Variants in DCP2 observed in about 807,000 individuals in gnomAD.
DCP2 encodes the protein decapping mRNA 2, also known as m7GpppN-mRNA hydrolase.
In DCP2, 30 loss-of-function variants were observed where a neutral mutation model predicts 56.1. That is an observed-to-expected ratio of 0.53 (90% CI 0.40 to 0.73). The LOEUF (loss-of-function observed/expected upper bound fraction) is 0.73, where lower values mean the gene tolerates loss of function less well. Ranked by LOEUF, DCP2 falls within the 30% of genes least tolerant of loss-of-function variation. The pLI is 0.00. For synonymous variants in DCP2, 197 were observed against 163.3 expected, an observed-to-expected ratio of 1.21 and a Z score of -1.57; for missense variants, 533 against 502.7, an observed-to-expected ratio of 1.06 and a Z score of -0.58.
intron 10 of DCP2, among the ~76,000 whole-genome samples, chr5:113,012,843 C>T (rs1472605623): frequency 6.6e-6 from 1 of 152,054 alleles, no homozygotes; most frequent in Non-Finnish European, 1.5e-5. Context: ...GGGGTTTCAC[C>T]ATCTTGGCCA....
chr5:112,997,690 C>T (rs1748929906), intron 4 of DCP2, among the ~76,000 whole-genome samples: 1 of 151,402 alleles, frequency 6.6e-6, no homozygotes, highest in African/African-American at 2.4e-5. Context: ...GTTCACTGCA[C>T]CCCAACCTCC....
chr5:112,978,950 C>T lies in DCP2; in HGVS notation c.53+1964C>T, dbSNP rs199961313. On this transcript the variant is annotated intron_variant, in intron 1 of 10. Transcript: ENST00000389063. ...TTTTACAGACATCAGAGCTAGTCTT[C>T]CTTCTAGTATTGGGGTTAATTTGCA... Among the ~76,000 whole-genome samples, 9 of 152,196 alleles carry T rather than the reference C, an allele frequency of 5.9e-5. No individual in the cohort carries two copies. In the East Asian group the frequency reaches 1.7e-3, roughly 29 times the overall value.
rs538577042 is a variant in DCP2 at position 112,992,276 on chromosome 5, G to C, written c.333+28G>C. The C allele has an allele frequency of 1.9e-6, 3 of 1,595,622 alleles. No individual in the cohort carries two copies. In the South Asian group the frequency reaches 3.4e-5, roughly 18 times the overall value. On this transcript the variant is annotated intron_variant, in intron 3 of 10. Coordinates refer to ENST00000389063, the MANE Select transcript of DCP2 (RefSeq NM_152624.6). The stretch of plus-strand genomic sequence containing the variant: ...GAGTGTAATGAAATAAAGATTTTTA[G>C]TGAAATGGTGATCGTTAATCTGTTA...
chr5:112,992,298 G>T (rs762861741), intron 3 of DCP2, 50 bp downstream of exon 3: 2 of 1,569,064 alleles, frequency 1.3e-6, no homozygotes, highest in Admixed American at 4.0e-5. Context: ...TCGTTAATCT[G>T]TTAACAAAAT....
Position 113,013,545 on chromosome 5 carries a change from C to G in DCP2, c.*61C>G. On this transcript the variant is annotated 3_prime_UTR_variant, in exon 11 of 11. Coordinates refer to ENST00000389063, the MANE Select transcript of DCP2 (RefSeq NM_152624.6). The stretch of plus-strand genomic sequence containing the variant: ...AGACCTGTTGAATTTGAGTGGGTGT[C>G]TCCTCAAGCCTTACCTTTCTCAGGT... 2 of 1,567,296 alleles carry G rather than the reference C, an allele frequency of 1.3e-6. No homozygotes were observed. The highest frequency in any genetic ancestry group is 1.7e-6 in the Non-Finnish European group (2 of 1,150,420).
chr5:112,984,953 A>G lies in DCP2; in HGVS notation c.54-882A>G, dbSNP rs1748202829. On this transcript the variant is annotated intron_variant, in intron 1 of 10. Coordinates refer to ENST00000389063, the MANE Select transcript of DCP2 (RefSeq NM_152624.6). ...GCTTATTTGAAACTTGGAAACAGCC[A>G]AGAATTATTTACTATGATAGTGATT... is the stretch of plus-strand genomic sequence containing the variant. 2.6e-5 allele frequency among the ~76,000 whole-genome samples: 4 copies of G among 151,724 alleles called. No individual in the cohort carries two copies. The South Asian group carries it at 8.3e-4, about 31-fold the overall frequency.
chr5:113,015,692 G>GT lies in DCP2; in HGVS notation c.*2211dup, dbSNP rs1442412180. 1 of 152,640 alleles carries GT rather than the reference G, an allele frequency of 6.6e-6. No homozygotes were observed. Among genetic ancestry groups the GT allele is most frequent in the Non-Finnish European group, 1.5e-5 (1 of 68,034 alleles). The allele number at this position is 152,640 out of a possible 1,614,324, so 9.5% of individuals were successfully genotyped here. On this transcript the variant is annotated 3_prime_UTR_variant, in exon 11 of 11. Coordinates refer to ENST00000389063, the MANE Select transcript of DCP2 (RefSeq NM_152624.6). The stretch of plus-strand genomic sequence containing the variant: ...AAAATGTTAAAAGATGTGAGTTAAA[G>GT]TTTATGTGTGTGATGTGACTTAACT...
At position 113,001,403 on chromosome 5, in the gene DCP2, A is replaced by T. The variant is rs1377612202; in HGVS notation, c.632A>T (p.Asp211Val). The change falls in exon 6 of 11, where the codon GAT becomes GTT. Residue 211 changes from aspartate to valine, a missense_variant. Physicochemically the swap from Asp to Val is radical, Grantham distance 152. Around this residue, in one of 3 missense-constraint regions of DCP2, gnomAD observed 392 missense variants for 346.6 expected, o/e 1.13. Transcript: ENST00000389063. ...GAGAAATTGCCTTGTCATAGAAATG[A>T]TATGACCCCCAAATCCAAACTTGGT... The part of the protein sequence containing the change: ...SIEKLPCHRN[D>V]MTPKSKLGLA... The T allele has an allele frequency of 1.2e-6, 2 of 1,613,894 alleles. No homozygotes were observed. The highest frequency in any genetic ancestry group is 1.7e-6 in the Non-Finnish European group (2 of 1,179,994).
intron 1 of DCP2, chr5:112,984,223 T>C (rs183003373): frequency 6.6e-6 from 1 of 152,272 alleles, no homozygotes; most frequent in East Asian, 1.9e-4. Context: ...AAATCCAAAA[T>C]GAAACTGATG....
Position 112,986,046 on chromosome 5 carries a change from T to A in DCP2, c.205+60T>A, listed in dbSNP as rs147316644. 3.1e-4 allele frequency: 455 copies of A among 1,448,334 alleles called. 4 individuals carry two copies. In the East Asian group the frequency reaches 7.9e-3, roughly 25 times the overall value. 89.7% of individuals were successfully genotyped at this position (1,448,334 alleles called of 1,614,324 possible). A position where few individuals can be genotyped will look rare whatever the true frequency, so the allele number is the denominator to read the frequency against. ...TGTTAGCAATATATTTTAGCACAAA[T>A]TTCTTTTTGCTTGCCTTTTCAGATT... On this transcript the variant is annotated intron_variant, in intron 2 of 10. Coordinates refer to ENST00000389063, the MANE Select transcript of DCP2 (RefSeq NM_152624.6).
intron 1 of DCP2, chr5:112,984,157 T>C (rs1748137092): frequency 6.6e-6 from 1 of 151,860 alleles, no homozygotes; most frequent in African/African-American, 2.4e-5. Context: ...CTAGAACAGA[T>C]CAGAAGACTA....
chr5:113,022,186 T>A lies in DCP2; in HGVS notation c.*8702T>A, dbSNP rs1379800097. On this transcript the variant is annotated 3_prime_UTR_variant, in exon 11 of 11. Coordinates refer to ENST00000389063, the MANE Select transcript of DCP2 (RefSeq NM_152624.6). ...TCTCTGTATAAATAAATGGAGTTTTTAAAAAACAATTCTATATCAAATAAC... is the reference window on the plus strand; with the variant it reads ...TCTCTGTATAAATAAATGGAGTTTTAAAAAAACAATTCTATATCAAATAAC... The A allele has an allele frequency of 6.6e-6, 1 of 152,616 alleles. No homozygotes were observed. Among genetic ancestry groups the A allele is most frequent in the African/African-American group, 2.4e-5 (1 of 41,452 alleles). 9.5% of individuals were successfully genotyped at this position (152,616 alleles called of 1,614,324 possible).
intron 8 of DCP2, 21 bp from the exon 9 acceptor site, chr5:113,007,916 AT>A: frequency 4.4e-6 from 7 of 1,590,668 alleles, no homozygotes; most frequent in Non-Finnish European, 6.0e-6. Context: ...GATTCATATT[AT>A]ATTTCTTTTT....
At chr5:113,006,990 T>C (rs1369075912) in intron 8 of DCP2, among the ~76,000 whole-genome samples, 1 of 151,896 alleles carries the variant, frequency 6.6e-6, no homozygotes, top group Non-Finnish European at 1.5e-5. Context: ...ATACAAAAAT[T>C]AGCCGGGCAT....
At chr5:112,977,587 T>C in intron 1 of DCP2, among the ~76,000 whole-genome samples, 1 of 152,198 alleles carries the variant, frequency 6.6e-6, no homozygotes, top group East Asian at 1.9e-4. Context: ...GGAAAAAGTG[T>C]AGCGCTGCTT....
At chr5:112,989,167 A>G (rs1417284108) in intron 2 of DCP2, among the ~76,000 whole-genome samples, 1 of 152,190 alleles carries the variant, frequency 6.6e-6, no homozygotes, top group Non-Finnish European at 1.5e-5. Context: ...ATACAGAAGC[A>G]CAGTGTTCAG....
At chr5:113,010,888 A>G in intron 10 of DCP2, 81 bp downstream of exon 10, 4 of 1,409,776 alleles carry the variant, frequency 2.8e-6, no homozygotes, top group African/African-American at 1.5e-5. Flanking sequence ...TAGTGGGAGT[A>G]TGTGATCTGT....
intron 10 of DCP2, among the ~76,000 whole-genome samples, chr5:113,011,476 C>G (rs1393537701): frequency 6.6e-6 from 1 of 152,080 alleles, no homozygotes; most frequent in Non-Finnish European, 1.5e-5. Flanking sequence ...TTCTTAGGTG[C>G]TATTTTGAAT....
rs764092273 is a variant in DCP2 at position 112,992,165 on chromosome 5, G to A, written c.250G>A (p.Glu84Lys). ...TTTGCTGCCTCAAGGTGAAGATGTG[G>A]AAAAAGTTTTGGATGAATGGAAGGA... ...PFLLPQGEDV[E>K]KVLDEWKEYK... Residue 84 changes from glutamate (E) to lysine (K), a missense_variant, in exon 3 of 11, where the codon GAA becomes AAA. By Grantham distance (56) the Glu-to-Lys change is moderately conservative. This residue lies in a region of DCP2 where 137 missense variants were observed against 138.2 expected (regional missense o/e 0.99). Coordinates refer to ENST00000389063, the MANE Select transcript of DCP2 (RefSeq NM_152624.6). 9.3e-6 allele frequency: 15 copies of A among 1,613,840 alleles called. No homozygotes were observed. Among genetic ancestry groups the A allele is most frequent in the Admixed American group, 3.3e-5 (2 of 59,980 alleles).
Sources: allele counts gnomAD v4.1 joint callset (sites outside exome capture counted in the v4.1 genomes callset), GRCh38; gene constraint gnomAD v4.1.1; regional missense constraint gnomAD v4.1.1; transcripts MANE v1.5; gene names NCBI Gene and HGNC (gene_info 2026-07-23, HGNC 2026-07-21).